FBXL17: variants seen among roughly 807,000 people sequenced by gnomAD.
FBXL17 encodes the protein F-box/LRR-repeat protein 17.
Under a neutral mutation model 66.2 loss-of-function variants are expected in FBXL17, and 22 were observed. The observed-to-expected ratio is 0.33, with a 90% CI of 0.24 to 0.47. FBXL17 has a LOEUF of 0.47. Ranked by LOEUF, FBXL17 falls within the 20% of genes least tolerant of loss-of-function variation. The pLI, the probability that FBXL17 is intolerant of heterozygous loss-of-function variation, is 1.00. For synonymous variants in FBXL17, 474 were observed against 400.5 expected (o/e 1.18, Z -2.19); for missense variants, 878 against 948.2 (o/e 0.93, Z 0.97).
intron 7 of FBXL17, among the ~76,000 whole-genome samples, chr5:108,015,794 G>T (rs1754360969): frequency 6.6e-6 from 1 of 152,130 alleles, no homozygotes; most frequent in African/African-American, 2.4e-5. Flanking sequence ...GGTAGGGAAG[G>T]TATAACCTTT....
chr5:107,871,208 T>C (rs1748445058), intron 8 of FBXL17, among the ~76,000 whole-genome samples: 1 of 152,112 alleles, frequency 6.6e-6, no homozygotes, highest in African/African-American at 2.4e-5. Context: ...TCTGTAATGA[T>C]TGGAAGTGCT....
chr5:108,301,928 G>T, intron 4 of FBXL17: 1 of 531,654 alleles, frequency 1.9e-6, no homozygotes, highest in Non-Finnish European at 2.4e-6. Flanking sequence ...CTTAATGGGA[G>T]ATATATGTAT....
chr5:108,373,236 A>G (rs989987347), intron 1 of FBXL17, among the ~76,000 whole-genome samples: 1 of 136,464 alleles, frequency 7.3e-6, no homozygotes, highest in African/African-American at 2.5e-5. Context: ...TATAAATATA[A>G]TATATATCTA....
chr5:107,861,816 G>A lies in FBXL17; in HGVS notation c.2010C>T (p.His670=), dbSNP rs1470350153. Residue 670 remains histidine, a synonymous_variant, in exon 9 of 9, where the codon CAC becomes CAT. Coordinates refer to ENST00000542267, the MANE Select transcript of FBXL17 (RefSeq NM_001163315.3). ...CCTGCAGGACGGTGCTGAAGGTGAT[G>A]TGGGGGTACTGCTGCACCAGCTGTT... ...TVEQLVQQYP[H]ITFSTVLQDC... 1.3e-6 allele frequency: 2 copies of A among 1,571,704 alleles called. No homozygotes were observed. The highest frequency in any genetic ancestry group is 1.4e-5 in the African/African-American group (1 of 73,458).
intron 4 of FBXL17, among the ~76,000 whole-genome samples, chr5:108,280,714 T>C (rs754397534): frequency 7.8e-5 from 11 of 140,422 alleles, no homozygotes; most frequent in Middle Eastern, 7.1e-3. Context: ...TTAAAAGCTA[T>C]ACATTGGCAG....
intron 6 of FBXL17, among the ~76,000 whole-genome samples, chr5:108,071,763 T>C (rs1748343710): frequency 6.6e-6 from 1 of 152,216 alleles, no homozygotes; most frequent in African/African-American, 2.4e-5. Context: ...CCAAATCATT[T>C]ACACTTGCTA....
intron 7 of FBXL17, among the ~76,000 whole-genome samples, chr5:107,910,608 A>T (rs957570857): frequency 6.6e-6 from 1 of 152,208 alleles, no homozygotes; most frequent in Admixed American, 6.6e-5. Flanking sequence ...GGAAAGAGGC[A>T]AAATGATCAG....
intron 4 of FBXL17, among the ~76,000 whole-genome samples, chr5:108,241,849 G>T (rs1327176178): frequency 6.6e-6 from 1 of 152,180 alleles, no homozygotes; most frequent in Admixed American, 6.5e-5. Flanking sequence ...TATGGGCCAG[G>T]AGAGAGTGGC....
chr5:107,905,977 C>T (rs142281636), intron 7 of FBXL17, among the ~76,000 whole-genome samples: 1 of 151,964 alleles, frequency 6.6e-6, no homozygotes, highest in Non-Finnish European at 1.5e-5. Flanking sequence ...AATATAAGGG[C>T]ATGACCACAT....
intron 6 of FBXL17, among the ~76,000 whole-genome samples, chr5:108,132,642 A>C (rs1437602570): frequency 6.6e-6 from 1 of 152,124 alleles, no homozygotes; most frequent in Non-Finnish European, 1.5e-5. Flanking sequence ...AAGTACAAAA[A>C]TGTCTGCATT....
intron 7 of FBXL17, among the ~76,000 whole-genome samples, chr5:107,887,607 G>T (rs1749017431): frequency 6.6e-6 from 1 of 152,150 alleles, no homozygotes; most frequent in Admixed American, 6.6e-5. Context: ...TATGAAACGT[G>T]CTCTTCTTTG....
chr5:107,908,183 A>G (rs920373802), intron 7 of FBXL17, among the ~76,000 whole-genome samples: 4 of 152,170 alleles, frequency 2.6e-5, no homozygotes, highest in Non-Finnish European at 5.9e-5. Flanking sequence ...TTCTCAGTAA[A>G]CTATCGCAAG....
chr5:108,242,349 TTTGTTGTTGTTGTTGTTGTTGTTGTTG>T (rs70996988), intron 4 of FBXL17, among the ~76,000 whole-genome samples: 2 of 146,810 alleles, frequency 1.4e-5, no homozygotes, highest in South Asian at 2.2e-4. Flanking sequence ...GCCTGGCTAG[TTTGTTGTTGTTGTTGTTGTTGTTGTTG>T]TTGTTGTTGT....
At chr5:108,033,671 A>G (rs1746728866) in intron 6 of FBXL17, among the ~76,000 whole-genome samples, 1 of 152,220 alleles carries the variant, frequency 6.6e-6, no homozygotes, top group Non-Finnish European at 1.5e-5. Context: ...TTAGTTTTAT[A>G]AGAAACTGCC....
chr5:108,268,744 C>T (rs1757145806), intron 4 of FBXL17, among the ~76,000 whole-genome samples: 1 of 151,984 alleles, frequency 6.6e-6, no homozygotes, highest in African/African-American at 2.4e-5. Flanking sequence ...AATTAAGGGA[C>T]TTTAAAATGG....
chr5:108,359,026 T>C (rs1333398424), intron 3 of FBXL17, among the ~76,000 whole-genome samples: 1 of 152,052 alleles, frequency 6.6e-6, no homozygotes, highest in African/African-American at 2.4e-5. Context: ...TTTCTACTTC[T>C]TGGGTCAGTT....
At chr5:108,223,595 A>G (rs144118617) in intron 5 of FBXL17, among the ~76,000 whole-genome samples, 132 of 152,350 alleles carry the variant, frequency 8.7e-4, no homozygotes, top group African/African-American at 2.9e-3. Flanking sequence ...ATGACACATC[A>G]GTGAGAGATT....
At chr5:108,255,085 G>A (rs1028373883) in intron 4 of FBXL17, among the ~76,000 whole-genome samples, 6 of 152,068 alleles carry the variant, frequency 3.9e-5, no homozygotes, top group Non-Finnish European at 5.9e-5. Context: ...CAATCTGGAG[G>A]AAAAGTACAC....
intron 8 of FBXL17, among the ~76,000 whole-genome samples, chr5:107,877,196 T>C (rs941108913): frequency 6.6e-6 from 1 of 152,210 alleles, no homozygotes; most frequent in African/African-American, 2.4e-5. Context: ...CTTAATGCAC[T>C]TCCTGACTTT....
Sources: gnomAD v4.1 joint callset for allele counts (sites outside exome capture counted in the v4.1 genomes callset) on GRCh38, gnomAD v4.1.1 for gene constraint, MANE v1.5 for transcripts, NCBI Gene and HGNC (gene_info 2026-07-23, HGNC 2026-07-21) for gene names.